The following PTPRN2 variants were observed in gnomAD, a reference collection of about 807,000 sequenced individuals.
The protein encoded by PTPRN2 is receptor-type tyrosine-protein phosphatase N2.
Under a neutral mutation model 118.8 loss-of-function variants are expected in PTPRN2, and 74 were observed. That is an observed-to-expected ratio of 0.62 (90% confidence interval 0.52 to 0.76). PTPRN2 has a LOEUF of 0.76. PTPRN2 is among the 30% of genes least tolerant of loss of function. The pLI is 0.00. For synonymous variants in PTPRN2, 641 were observed against 608.0 expected (o/e 1.05, Z -0.80); for missense variants, 1,481 against 1,394.4 (o/e 1.06, Z -0.99).
chr7:158,579,771 AC>A (rs1483623714), intron 1 of PTPRN2, among the ~76,000 whole-genome samples: 6 of 152,204 alleles, frequency 3.9e-5, no homozygotes, highest in African/African-American at 1.4e-4. Context: ...CATTTCTGTT[AC>A]CTTAACTGAT....
intron 3 of PTPRN2, among the ~76,000 whole-genome samples, chr7:158,312,185 CAT>C (rs1247060727): frequency 1.3e-5 from 2 of 148,562 alleles, no homozygotes; most frequent in Non-Finnish European, 1.5e-5. Context: ...CTCACATGCT[CAT>C]GTGTAGACAC....
intron 2 of PTPRN2, among the ~76,000 whole-genome samples, chr7:158,463,186 C>T (rs1819125586): frequency 6.6e-6 from 1 of 152,166 alleles, no homozygotes; most frequent in Non-Finnish European, 1.5e-5. Context: ...CCAGGTAGAC[C>T]AAGCCCCTCA....
rs552868356 is a variant in PTPRN2 at position 158,275,744 on chromosome 7, G to C, written c.277+41075C>G. Among the ~76,000 whole-genome samples, 6 of 152,260 alleles carry C rather than the reference G, an allele frequency of 3.9e-5. No homozygotes were observed. The East Asian group carries it at 7.7e-4, about 20-fold the overall frequency. ...GCCCCCACCCTGCGCACCTCCACGT[G>C]TGGCAGGCAGAGCCGAACTCCCAGA... On this transcript the variant is annotated intron_variant, in intron 3 of 22. Coordinates refer to ENST00000389418, the MANE Select transcript of PTPRN2 (RefSeq NM_002847.5).
chr7:157,965,199 G>A (rs1326428269), intron 11 of PTPRN2, among the ~76,000 whole-genome samples: 1 of 152,154 alleles, frequency 6.6e-6, no homozygotes, highest in Non-Finnish European at 1.5e-5. Context: ...CTTAGTTTTT[G>A]ACTCCATATG....
intron 2 of PTPRN2, among the ~76,000 whole-genome samples, chr7:158,357,541 T>G (rs962193414): frequency 2.0e-5 from 3 of 152,148 alleles, no homozygotes; most frequent in Non-Finnish European, 4.4e-5. Context: ...GCAACCTGCA[T>G]TTGCTGCGCA....
intron 12 of PTPRN2, among the ~76,000 whole-genome samples, chr7:157,717,284 G>A (rs1295701427): frequency 6.6e-6 from 1 of 152,258 alleles, no homozygotes; most frequent in African/African-American, 2.4e-5. Context: ...CAAGAGGCAT[G>A]TCGGTGACCC....
chr7:158,249,192 C>T (rs1322517257), intron 3 of PTPRN2, among the ~76,000 whole-genome samples: 1 of 152,092 alleles, frequency 6.6e-6, no homozygotes, highest in Admixed American at 6.5e-5. Context: ...CACGAACACA[C>T]ATCACACACA....
intron 4 of PTPRN2, among the ~76,000 whole-genome samples, chr7:158,201,122 C>G (rs571225059): frequency 1.3e-4 from 19 of 151,204 alleles, no homozygotes; most frequent in Admixed American, 2.6e-4. Flanking sequence ...GTGATCATGA[C>G]TCACTGCAGC....
At chr7:157,737,172 C>T (rs1446610416) in intron 12 of PTPRN2, among the ~76,000 whole-genome samples, 2 of 152,240 alleles carry the variant, frequency 1.3e-5, no homozygotes. Context: ...AGCTTCGGTA[C>T]ACACGCCACG....
At chr7:157,554,679 A>G (rs765391230) in intron 21 of PTPRN2, among the ~76,000 whole-genome samples, 2 of 152,256 alleles carry the variant, frequency 1.3e-5, no homozygotes, top group Admixed American at 6.5e-5. Flanking sequence ...TGACGCTGAC[A>G]TCGAAAAGCC....
intron 2 of PTPRN2, among the ~76,000 whole-genome samples, chr7:158,398,717 T>G (rs540072316): frequency 1.3e-5 from 2 of 152,300 alleles, no homozygotes; most frequent in Non-Finnish European, 2.9e-5. Context: ...TTGGTTTTCA[T>G]CTCCATATCT....
At position 157,780,735 on chromosome 7, in the gene PTPRN2, A is replaced by C. The variant is rs76600056; in HGVS notation, c.1789-97798T>G. ...CATGATGGGGCCACACCCAGCACGGAGAGAGCACTTGACACTGTTGCTTGC... is the reference window on the plus strand; with the variant it reads ...CATGATGGGGCCACACCCAGCACGGCGAGAGCACTTGACACTGTTGCTTGC... On this transcript the variant is annotated intron_variant, in intron 12 of 22. Coordinates refer to ENST00000389418, the MANE Select transcript of PTPRN2 (RefSeq NM_002847.5). The surrounding 1 kb of genome is among the most constrained non-coding windows in gnomAD (Gnocchi z 4.5). Among the ~76,000 whole-genome samples, 27 of 152,264 alleles carry C rather than the reference A, an allele frequency of 1.8e-4. No individual in the cohort carries two copies. In the East Asian group the frequency reaches 5.2e-3, roughly 29 times the overall value.
intron 2 of PTPRN2, among the ~76,000 whole-genome samples, chr7:158,331,387 A>G (rs1370556753): frequency 2.8e-5 from 4 of 142,330 alleles, no homozygotes; most frequent in East Asian, 4.2e-4. Context: ...AGTCACTCAC[A>G]CCCACACTCT....
chr7:157,807,970 C>G (rs1270131445), intron 12 of PTPRN2, among the ~76,000 whole-genome samples: 1 of 152,224 alleles, frequency 6.6e-6, no homozygotes, highest in Non-Finnish European at 1.5e-5. Context: ...GAACATTAAG[C>G]ACTGTGAGCT....
intron 3 of PTPRN2, among the ~76,000 whole-genome samples, chr7:158,224,511 A>G (rs1828606355): frequency 1.3e-5 from 2 of 152,142 alleles, no homozygotes; most frequent in Admixed American, 6.5e-5. Flanking sequence ...TTTTCAACAA[A>G]TGGTCCTGGA....
At chr7:158,040,134 G>T (rs1414625083) in intron 11 of PTPRN2, among the ~76,000 whole-genome samples, 1 of 151,818 alleles carries the variant, frequency 6.6e-6, no homozygotes, top group African/African-American at 2.4e-5. Flanking sequence ...AATTACAAAA[G>T]GTATAACATA....
At chr7:157,864,349 A>C (rs1810471402) in intron 12 of PTPRN2, 1 of 152,222 alleles carries the variant, frequency 6.6e-6, no homozygotes, top group Admixed American at 6.5e-5. Flanking sequence ...GGGCTGTATC[A>C]GGCAGATGTT....
At chr7:157,788,391 AAG>A (rs1554446640) in intron 12 of PTPRN2, among the ~76,000 whole-genome samples, 1 of 151,432 alleles carries the variant, frequency 6.6e-6, no homozygotes, top group African/African-American at 2.4e-5. Flanking sequence ...AAAAAAAAAA[AAG>A]AAAGTACAGG....
At chr7:157,840,367 C>T (rs1190573972) in intron 12 of PTPRN2, among the ~76,000 whole-genome samples, 5 of 119,788 alleles carry the variant, frequency 4.2e-5, no homozygotes, top group Admixed American at 9.0e-5. Flanking sequence ...TGTGTGGCCG[C>T]GTGTGACTGT....
Sources: allele counts gnomAD v4.1 joint callset (sites outside exome capture counted in the v4.1 genomes callset), GRCh38; gene constraint gnomAD v4.1.1; non-coding constraint Gnocchi (gnomAD v3.1); transcripts MANE v1.5; gene names NCBI Gene and HGNC (gene_info 2026-07-23, HGNC 2026-07-21).